Variants in NELL1 observed in about 807,000 individuals in gnomAD.
The protein encoded by NELL1 is protein kinase C-binding protein NELL1.
In NELL1, 76 loss-of-function variants were observed where a neutral mutation model predicts 107.4. That is an observed-to-expected ratio of 0.71 (90% CI 0.59 to 0.86). The LOEUF is 0.86. Among genes scored for constraint, NELL1 ranks in the 40% least tolerant of loss-of-function variants. NELL1 has a pLI of 0.00. For synonymous variants in NELL1, 353 were observed against 341.2 expected (o/e 1.03, Z -0.38); for missense variants, 1,024 against 1,005.5 (o/e 1.02, Z -0.25).
chr11:21,439,945 G>A (rs1424433014), intron 15 of NELL1, among the ~76,000 whole-genome samples: 1 of 152,042 alleles, frequency 6.6e-6, no homozygotes, highest in Non-Finnish European at 1.5e-5. Flanking sequence ...AGACATTCTT[G>A]CAGATAAAGA....
chr11:21,574,732 A>G (rs1427510620), intron 19 of NELL1, among the ~76,000 whole-genome samples: 2 of 151,820 alleles, frequency 1.3e-5, no homozygotes, highest in African/African-American at 4.8e-5. Flanking sequence ...AGTGCAGGTG[A>G]TGTGTGAAAT....
At chr11:20,680,088 T>A (rs1001163170) in intron 2 of NELL1, among the ~76,000 whole-genome samples, 1 of 152,150 alleles carries the variant, frequency 6.6e-6, no homozygotes, top group African/African-American at 2.4e-5. Flanking sequence ...AGAAGGCCTT[T>A]CGCTTATATC....
chr11:21,208,861 T>C (rs542828463), intron 13 of NELL1, among the ~76,000 whole-genome samples: 41 of 152,238 alleles, frequency 2.7e-4, no homozygotes, highest in African/African-American at 9.9e-4. Context: ...CCAAGGGTAA[T>C]AGAATTTTCT....
At chr11:20,991,927 A>G (rs796648209) in intron 12 of NELL1, among the ~76,000 whole-genome samples, 41 of 146,298 alleles carry the variant, frequency 2.8e-4, no homozygotes, top group African/African-American at 9.8e-4. Context: ...GGTGACAGGT[A>G]TTGTACAGAA....
chr11:21,004,934 C>T (rs2134278631), intron 12 of NELL1, among the ~76,000 whole-genome samples: 1 of 152,166 alleles, frequency 6.6e-6, no homozygotes, highest in African/African-American at 2.4e-5. Context: ...TTTTTCTATA[C>T]CTGTCTTTTG....
At chr11:21,131,359 G>A (rs1396850116) in intron 13 of NELL1, among the ~76,000 whole-genome samples, 3 of 152,100 alleles carry the variant, frequency 2.0e-5, no homozygotes, top group African/African-American at 7.2e-5. Flanking sequence ...CTGAATATTT[G>A]GCAAGGAAAT....
intron 13 of NELL1, among the ~76,000 whole-genome samples, chr11:21,136,690 A>G (rs1489810146): frequency 4.6e-5 from 7 of 152,272 alleles, no homozygotes; most frequent in Non-Finnish European, 1.0e-4. Flanking sequence ...AAAAGTAGGA[A>G]CAGTCCCCTG....
chr11:21,486,371 C>T lies in NELL1; in HGVS notation c.1646-48003C>T, dbSNP rs375905648. Reference sequence around the variant, plus strand: ...GAGGAAATTGCAGATATCACCAATGCTGCTTATAGGCCAGGAAATCATACA... The same window carrying T: ...GAGGAAATTGCAGATATCACCAATGTTGCTTATAGGCCAGGAAATCATACA... On this transcript the variant is annotated intron_variant, in intron 15 of 19. Coordinates refer to ENST00000357134, the MANE Select transcript of NELL1 (RefSeq NM_006157.5). Among the ~76,000 whole-genome samples the T allele has an allele frequency of 2.3e-3, 355 of 152,312 alleles. 3 individuals carry two copies. Among genetic ancestry groups the T allele is most frequent in the African/African-American group, 8.3e-3 (344 of 41,550 alleles).
At chr11:20,761,039 C>A (rs939122072) in intron 2 of NELL1, among the ~76,000 whole-genome samples, 3 of 152,198 alleles carry the variant, frequency 2.0e-5, no homozygotes, top group African/African-American at 7.2e-5. Context: ...CCTTATTTAT[C>A]TGCCAAAGAT....
At chr11:20,884,679 A>G (rs141245775) in intron 4 of NELL1, among the ~76,000 whole-genome samples, 3 of 152,188 alleles carry the variant, frequency 2.0e-5, no homozygotes, top group Non-Finnish European at 4.4e-5. Flanking sequence ...CAAAGATCCT[A>G]GGTAGGGCTC....
At chr11:20,828,678 T>C (rs559569853) in intron 3 of NELL1, among the ~76,000 whole-genome samples, 40 of 152,326 alleles carry the variant, frequency 2.6e-4, no homozygotes, top group African/African-American at 9.1e-4. Flanking sequence ...CAGTCTCACG[T>C]AGGACAGGAG....
chr11:21,407,998 G>A (rs1852275942), intron 15 of NELL1, among the ~76,000 whole-genome samples: 1 of 151,722 alleles, frequency 6.6e-6, no homozygotes, highest in Non-Finnish European at 1.5e-5. Flanking sequence ...GTTTCTAATA[G>A]AGCTTCCCTT....
At chr11:21,163,818 C>T (rs1230393983) in intron 13 of NELL1, among the ~76,000 whole-genome samples, 1 of 151,884 alleles carries the variant, frequency 6.6e-6, no homozygotes, top group Non-Finnish European at 1.5e-5. Flanking sequence ...GCTTCTCGAC[C>T]TCATCTAAAC....
rs557629053 is a variant in NELL1, at chr11:21,396,610, T to C, written c.1645+25662T>C. Among the ~76,000 whole-genome samples the C allele has an allele frequency of 7.0e-4, 106 of 151,718 alleles. 4 individuals carry two copies. In the Middle Eastern group the frequency reaches 0.024, roughly 34 times the overall value. ...TGCATATTAGGAGCATTAGGGGAGA[T>C]AAGAGAGGCACATAAATAATTATTA... is the stretch of plus-strand genomic sequence containing the variant. On this transcript the variant is annotated intron_variant, in intron 15 of 19. Coordinates refer to ENST00000357134, the MANE Select transcript of NELL1 (RefSeq NM_006157.5).
intron 12 of NELL1, among the ~76,000 whole-genome samples, chr11:20,990,668 A>C (rs1851952471): frequency 6.6e-6 from 1 of 152,094 alleles, no homozygotes; most frequent in Admixed American, 6.5e-5. Context: ...TGAGCTAGTG[A>C]CTCATACCAC....
intron 5 of NELL1, among the ~76,000 whole-genome samples, chr11:20,890,869 C>A (rs572671562): frequency 6.6e-6 from 1 of 151,816 alleles, no homozygotes; most frequent in African/African-American, 2.4e-5. Context: ...ATAAAAAGAC[C>A]GAACCTACCA....
intron 2 of NELL1, among the ~76,000 whole-genome samples, chr11:20,702,024 A>T (rs564967738): frequency 1.3e-5 from 2 of 152,270 alleles, no homozygotes; most frequent in East Asian, 3.9e-4. Context: ...ACTTTAAAGT[A>T]GTTTTTTTCC....
At chr11:21,528,513 C>CA (rs1204164255) in intron 15 of NELL1, among the ~76,000 whole-genome samples, 8 of 31,896 alleles carry the variant, frequency 2.5e-4, no homozygotes, top group Admixed American at 1.3e-3. Context: ...ACATACCCAC[C>CA]CCCCCCCCCT....
intron 15 of NELL1, among the ~76,000 whole-genome samples, chr11:21,461,531 G>A (rs890423768): frequency 2.0e-5 from 3 of 152,042 alleles, no homozygotes; most frequent in African/African-American, 7.2e-5. Flanking sequence ...CCCTCCCATT[G>A]TTGGTCGGTC....
Sources: allele counts gnomAD v4.1 joint callset (sites outside exome capture counted in the v4.1 genomes callset), GRCh38; gene constraint gnomAD v4.1.1; transcripts MANE v1.5; gene names NCBI Gene and HGNC (gene_info 2026-07-23, HGNC 2026-07-21).